Variants in MGST1 observed in about 807,000 individuals in gnomAD.
MGST1 encodes microsomal glutathione S-transferase 1.
Under a neutral mutation model 8.9 loss-of-function variants are expected in MGST1, and 5 were observed. The observed-to-expected ratio is 0.56, with a 90% CI of 0.29 to 1.19. The LOEUF is 1.19. Ranked by LOEUF, MGST1 falls within the 50% of genes most tolerant of loss-of-function variation. The probability of loss-of-function intolerance (pLI) is 0.08; values close to 1 mark genes in which losing one functional copy is unlikely to be tolerated. For synonymous variants in MGST1, 54 were observed against 67.8 expected, an observed-to-expected ratio of 0.80 and a Z score of 1.00; for missense variants, 182 against 187.4, an observed-to-expected ratio of 0.97 and a Z score of 0.17.
intron 1 of MGST1, among the ~76,000 whole-genome samples, chr12:16,420,353 C>A (rs978330500): frequency 2.6e-5 from 4 of 152,148 alleles, no homozygotes; most frequent in African/African-American, 9.7e-5. Context: ...AAGAAAAACA[C>A]ACATTACTTG....
intron 4 of MGST1, among the ~76,000 whole-genome samples, chr12:16,532,115 A>C (rs960934602): frequency 9.9e-5 from 15 of 152,166 alleles, no homozygotes; most frequent in African/African-American, 3.4e-4. Context: ...GTTGATGCTC[A>C]GGACAGACTG....
chr12:16,365,090 G>A (rs1266755992), downstream of MGST1, among the ~76,000 whole-genome samples: 5 of 152,100 alleles, frequency 3.3e-5, no homozygotes, highest in African/African-American at 1.2e-4. Flanking sequence ...ATTTAGTAAG[G>A]TAGTGTCAAC....
intron 4 of MGST1, among the ~76,000 whole-genome samples, chr12:16,486,326 C>T (rs1415838258): frequency 6.6e-6 from 1 of 152,128 alleles, no homozygotes; most frequent in Admixed American, 6.6e-5. Flanking sequence ...TAGAAGAATG[C>T]TCAGCTATTA....
At chr12:16,418,957 T>C (rs1284615164) in intron 1 of MGST1, among the ~76,000 whole-genome samples, 1 of 152,080 alleles carries the variant, frequency 6.6e-6, no homozygotes, top group Non-Finnish European at 1.5e-5. Flanking sequence ...ATATGTTTAG[T>C]GTTTGCGAGT....
chr12:16,572,516 G>A (rs1265537285), intron 4 of MGST1, among the ~76,000 whole-genome samples: 1 of 149,468 alleles, frequency 6.7e-6, no homozygotes, highest in African/African-American at 2.4e-5. Context: ...AAGCTGCTAT[G>A]CCAAAGTGCC....
intron 4 of MGST1, among the ~76,000 whole-genome samples, chr12:16,545,703 G>T (rs1012889805): frequency 6.6e-6 from 1 of 151,956 alleles, no homozygotes; most frequent in Non-Finnish European, 1.5e-5. Flanking sequence ...TGGTACCCTA[G>T]ATTTACAGGC....
chr12:16,501,385 TA>T (rs1429916667), intron 4 of MGST1, among the ~76,000 whole-genome samples: 1 of 152,206 alleles, frequency 6.6e-6, no homozygotes, highest in Non-Finnish European at 1.5e-5. Flanking sequence ...TCTCGTTACA[TA>T]AAACCGCACA....
chr12:16,569,102 T>A (rs542336499), intron 4 of MGST1, among the ~76,000 whole-genome samples: 2 of 152,304 alleles, frequency 1.3e-5, no homozygotes, highest in East Asian at 3.9e-4. Context: ...TCCTGCTCCA[T>A]GAAGACAGCA....
chr12:16,479,853 G>C (rs1399952882), intron 4 of MGST1, among the ~76,000 whole-genome samples: 1 of 152,002 alleles, frequency 6.6e-6, no homozygotes. Context: ...AGTAGTTCTA[G>C]GTTCACAGCA....
intron 4 of MGST1, chr12:16,514,081 A>G (rs2137182122): frequency 5.2e-6 from 2 of 383,394 alleles, no homozygotes; most frequent in Non-Finnish European, 1.0e-5. Flanking sequence ...AACAGTGGTG[A>G]AGAAAACAAA....
intron 1 of MGST1, among the ~76,000 whole-genome samples, chr12:16,411,766 A>G (rs1193995357): frequency 6.6e-6 from 1 of 152,194 alleles, no homozygotes; most frequent in Non-Finnish European, 1.5e-5. Flanking sequence ...GATGATGTAT[A>G]TTAGAATTGT....
rs932434076 is a variant in MGST1 at position 16,500,231 on chromosome 12, A to G, written n.483-89297A>G. Among the ~76,000 whole-genome samples, 1 of 152,186 alleles carries G rather than the reference A, an allele frequency of 6.6e-6. No homozygotes were observed. Among genetic ancestry groups the G allele is most frequent in the Non-Finnish European group, 1.5e-5 (1 of 68,036 alleles). ...CAGGTGCCTTTGTTTAAAGAAAATA[A>G]TTAAAGGTTATGCCATTAAAAAATG... On this transcript the variant is annotated intron_variant and non_coding_transcript_variant, in intron 4 of 4. Coordinates refer to the MGST1 transcript ENST00000538857. The surrounding 1 kb of genome is among the most constrained non-coding windows in gnomAD (Gnocchi z 4.3).
At chr12:16,355,332 C>T (rs1361491297) in intron 2 of MGST1, among the ~76,000 whole-genome samples, 1 of 151,778 alleles carries the variant, frequency 6.6e-6, no homozygotes, top group Non-Finnish European at 1.5e-5. Flanking sequence ...CCTCAGCGTC[C>T]CAAGTAGCTG....
intron 1 of MGST1, among the ~76,000 whole-genome samples, chr12:16,404,809 A>AT (rs1163790973): frequency 6.6e-6 from 1 of 151,550 alleles, no homozygotes; most frequent in African/African-American, 2.4e-5. Flanking sequence ...TTATTTCTTC[A>AT]TTTTTCTCAG....
chr12:16,525,825 T>C (rs1412928791), intron 4 of MGST1, among the ~76,000 whole-genome samples: 1 of 151,558 alleles, frequency 6.6e-6, no homozygotes, highest in South Asian at 2.1e-4. Flanking sequence ...GACTTTTTAA[T>C]GATTGCCATT....
chr12:16,572,494 A>C (rs750895214), intron 4 of MGST1, among the ~76,000 whole-genome samples: 43 of 150,086 alleles, frequency 2.9e-4, no homozygotes, highest in Non-Finnish European at 2.5e-4. Flanking sequence ...TATTATTTGA[A>C]GTACTTCTTA....
intron 1 of MGST1, among the ~76,000 whole-genome samples, chr12:16,420,361 T>G (rs1444392583): frequency 2.0e-5 from 3 of 152,206 alleles, no homozygotes; most frequent in Non-Finnish European, 4.4e-5. Context: ...CACACATTAC[T>G]TGGCATGAAA....
At chr12:16,454,628 A>G (rs906288999) in intron 4 of MGST1, among the ~76,000 whole-genome samples, 3 of 151,998 alleles carry the variant, frequency 2.0e-5, no homozygotes, top group East Asian at 3.9e-4. Context: ...CCTTTCAACT[A>G]TGACAAGCTG....
chr12:16,539,434 T>C (rs1371725160), intron 4 of MGST1, among the ~76,000 whole-genome samples: 2 of 152,122 alleles, frequency 1.3e-5, no homozygotes, highest in African/African-American at 4.8e-5. Flanking sequence ...TACTTGTAAT[T>C]CCATGTTCTA....
Sources: allele counts gnomAD v4.1 joint callset (sites outside exome capture counted in the v4.1 genomes callset), GRCh38; gene constraint gnomAD v4.1.1; non-coding constraint Gnocchi (gnomAD v3.1); transcripts MANE v1.5; gene names NCBI Gene and HGNC (gene_info 2026-07-23, HGNC 2026-07-21).